GPC6: variants seen among roughly 807,000 people sequenced by gnomAD.
The protein encoded by GPC6 is glypican-6.
Under a neutral mutation model 55.2 loss-of-function variants are expected in GPC6, and 14 were observed. The ratio of observed to expected loss-of-function variants is 0.25; its 90% CI spans 0.17 to 0.40. The LOEUF (loss-of-function observed/expected upper bound fraction) is 0.40. GPC6 is among the 10% of genes least tolerant of loss of function. GPC6 has a pLI of 1.00. For missense variants in GPC6, 641 were observed against 708.5 expected (o/e 0.90, Z 1.08); for synonymous variants, 278 against 259.6 (o/e 1.07, Z -0.68).
chr13:93,384,117 A>G (rs1256924329), intron 1 of GPC6, among the ~76,000 whole-genome samples: 2 of 152,144 alleles, frequency 1.3e-5, no homozygotes, highest in Non-Finnish European at 2.9e-5. Flanking sequence ...ATTTGATAAT[A>G]AAGTTAATTT....
At chr13:93,647,857 C>A (rs757989684) in intron 2 of GPC6, among the ~76,000 whole-genome samples, 7 of 152,100 alleles carry the variant, frequency 4.6e-5, no homozygotes, top group Non-Finnish European at 8.8e-5. Context: ...CCTGAGAGAC[C>A]ATGTCATGAG....
chr13:93,458,274 T>A (rs764343243), intron 1 of GPC6, among the ~76,000 whole-genome samples: 1 of 152,160 alleles, frequency 6.6e-6, no homozygotes, highest in Non-Finnish European at 1.5e-5. Context: ...AGAGGAAATA[T>A]CTTATTTAAC....
intron 1 of GPC6, among the ~76,000 whole-genome samples, chr13:93,483,566 A>G (rs920650039): frequency 6.6e-6 from 1 of 152,160 alleles, no homozygotes; most frequent in African/African-American, 2.4e-5. Context: ...TGCAGGCTTT[A>G]TGCTATCCTG....
chr13:93,425,978 T>C (rs888236616), intron 1 of GPC6, among the ~76,000 whole-genome samples: 1 of 152,172 alleles, frequency 6.6e-6, no homozygotes, highest in African/African-American at 2.4e-5. Flanking sequence ...CAAGATTTAA[T>C]TGAATGTCAT....
intron 2 of GPC6, among the ~76,000 whole-genome samples, chr13:93,611,449 G>A (rs1427481072): frequency 1.3e-5 from 2 of 152,068 alleles, no homozygotes. Flanking sequence ...CCATATTGTA[G>A]TACAGATGTA....
intron 3 of GPC6, among the ~76,000 whole-genome samples, chr13:93,913,528 C>T (rs1311675255): frequency 6.6e-6 from 1 of 151,872 alleles, no homozygotes. Context: ...TTTGGAAATC[C>T]ATCTTTAAAT....
chr13:93,797,919 A>T (rs1886250895), intron 2 of GPC6, among the ~76,000 whole-genome samples: 1 of 152,114 alleles, frequency 6.6e-6, no homozygotes, highest in Non-Finnish European at 1.5e-5. Context: ...TTTGCACAAG[A>T]GTTGGTTTTA....
chr13:93,473,082 G>T lies in GPC6; in HGVS notation c.161-72181G>T, dbSNP rs1879181282. Among the ~76,000 whole-genome samples the T allele has an allele frequency of 2.0e-5, 3 of 152,284 alleles. 1 individual carries two copies. In the South Asian group the frequency reaches 6.2e-4, roughly 32 times the overall value. On this transcript the variant is annotated intron_variant, in intron 1 of 8. Coordinates refer to ENST00000377047, the MANE Select transcript of GPC6 (RefSeq NM_005708.5). ...GAAATGTGCACCAATTGGTCCATGG[G>T]TGGCCATGGGTGGGCCCAGAAAAGT...
intron 5 of GPC6, among the ~76,000 whole-genome samples, chr13:94,288,417 C>T (rs1413415230): frequency 6.6e-6 from 1 of 151,950 alleles, no homozygotes; most frequent in Non-Finnish European, 1.5e-5. Flanking sequence ...ATGCACCACA[C>T]CCACCTCCCT....
At chr13:94,363,160 T>G (rs992162979) in intron 6 of GPC6, among the ~76,000 whole-genome samples, 2 of 152,162 alleles carry the variant, frequency 1.3e-5, no homozygotes, top group Non-Finnish European at 2.9e-5. Flanking sequence ...ACCACATATC[T>G]GGTGTTTTAT....
intron 2 of GPC6, among the ~76,000 whole-genome samples, chr13:93,617,150 G>GA (rs1240779344): frequency 2.0e-5 from 3 of 152,022 alleles, no homozygotes; most frequent in Admixed American, 1.3e-4. Context: ...ACAAAGAGGA[G>GA]AAAAAATCCT....
chr13:93,312,122 CCAAA>C lies in GPC6; in HGVS notation c.160+84513_160+84516del, dbSNP rs373148327. ...TCTATCTTATGTGAAATTGGCAGTACCAAACAAACAGCTTCTCTTTTTTTCTTTT... is the reference window on the plus strand; with the variant it reads ...TCTATCTTATGTGAAATTGGCAGTACCAAACAGCTTCTCTTTTTTTCTTTT... On this transcript the variant is annotated intron_variant, in intron 1 of 8. Coordinates refer to ENST00000377047, the MANE Select transcript of GPC6 (RefSeq NM_005708.5). 6.5e-4 allele frequency among the ~76,000 whole-genome samples: 99 copies of C among 152,268 alleles called. No homozygotes were observed. The East Asian group carries it at 0.017, about 26-fold the overall frequency.
At chr13:93,314,052 G>C (rs2139112692) in intron 1 of GPC6, among the ~76,000 whole-genome samples, 1 of 152,250 alleles carries the variant, frequency 6.6e-6, no homozygotes, top group East Asian at 1.9e-4. Flanking sequence ...GTTAGATGCA[G>C]TTACATGAAG....
At chr13:93,877,735 G>A (rs1874674470) in intron 3 of GPC6, among the ~76,000 whole-genome samples, 1 of 152,114 alleles carries the variant, frequency 6.6e-6, no homozygotes, top group African/African-American at 2.4e-5. Context: ...ATCACTAGGA[G>A]TTCTAGCTTT....
At chr13:93,268,918 C>T (rs887586974) in intron 1 of GPC6, among the ~76,000 whole-genome samples, 1 of 152,138 alleles carries the variant, frequency 6.6e-6, no homozygotes, top group African/African-American at 2.4e-5. Flanking sequence ...TAGCTCAAGC[C>T]TCCTGTTCTC....
At chr13:93,306,927 G>A (rs1246588576) in intron 1 of GPC6, among the ~76,000 whole-genome samples, 4 of 152,136 alleles carry the variant, frequency 2.6e-5, no homozygotes, top group Non-Finnish European at 4.4e-5. Flanking sequence ...TAGGGAGCAT[G>A]TTCTGTCTTT....
chr13:93,697,659 A>G (rs886229587), intron 2 of GPC6, among the ~76,000 whole-genome samples: 1 of 152,156 alleles, frequency 6.6e-6, no homozygotes, highest in South Asian at 2.1e-4. Flanking sequence ...TACTTTGTCC[A>G]TACGTTAGTT....
chr13:93,952,808 TACAC>T (rs552891023), intron 3 of GPC6, among the ~76,000 whole-genome samples: 2 of 147,520 alleles, frequency 1.4e-5, no homozygotes, highest in Admixed American at 1.4e-4. Context: ...GATATAGGTA[TACAC>T]ACACACACAT....
At chr13:94,272,711 G>A (rs555417431) in intron 4 of GPC6, among the ~76,000 whole-genome samples, 12 of 151,860 alleles carry the variant, frequency 7.9e-5, no homozygotes, top group Admixed American at 1.3e-4. Flanking sequence ...CTCATAATCC[G>A]CCCACCTTGG....
Sources: gnomAD v4.1 joint callset for allele counts (sites outside exome capture counted in the v4.1 genomes callset) on GRCh38, gnomAD v4.1.1 for gene constraint, MANE v1.5 for transcripts, NCBI Gene and HGNC (gene_info 2026-07-23, HGNC 2026-07-21) for gene names.